The following DIAPH3 variants were observed in gnomAD, a reference collection of about 807,000 sequenced individuals.
DIAPH3 encodes the protein protein diaphanous homolog 3.
DIAPH3 carries 117 observed loss-of-function variants against 144.3 expected under a neutral mutation model. The observed-to-expected ratio is 0.81, with a 90% CI of 0.70 to 0.95. The LOEUF is 0.95. Ranked by LOEUF, DIAPH3 falls within the 40% of genes least tolerant of loss-of-function variation. The probability of loss-of-function intolerance (pLI) is 0.00; values close to 1 mark genes in which losing one functional copy is unlikely to be tolerated. For synonymous variants in DIAPH3, 519 were observed against 488.9 expected, an observed-to-expected ratio of 1.06 and a Z score of -0.81; for missense variants, 1,421 against 1,412.7, an observed-to-expected ratio of 1.01 and a Z score of -0.09.
In DIAPH3 at chr13:60,016,177, G is replaced by A. The variant is rs376512733; in HGVS notation, c.627-32C>T. The A allele has an allele frequency of 1.6e-5, 25 of 1,590,388 alleles. No homozygotes were observed. In the African/African-American group the frequency reaches 2.7e-4, roughly 17 times the overall value. ...AACAGAAAAAAGACAGTTACACATT[G>A]TCAGTAACGCAGCTTGTGTTATCAT... On this transcript the variant is annotated intron_variant, in intron 5 of 27. Coordinates refer to ENST00000400324, the MANE Select transcript of DIAPH3 (RefSeq NM_001042517.2).
intron 25 of DIAPH3, among the ~76,000 whole-genome samples, chr13:59,779,120 C>T (rs536367587): frequency 9.7e-4 from 147 of 152,294 alleles, no homozygotes; most frequent in Non-Finnish European, 1.7e-3. Flanking sequence ...CACTGTCCAC[C>T]TGGAACCTCT....
intron 3 of DIAPH3, among the ~76,000 whole-genome samples, chr13:60,103,159 T>TG (rs1462367164): frequency 6.0e-5 from 9 of 150,646 alleles, no homozygotes; most frequent in Non-Finnish European, 1.3e-4. Context: ...AAAACCGAGG[T>TG]GGGGGGGAAA....
At chr13:60,150,885 A>C (rs1324659854) in intron 1 of DIAPH3, among the ~76,000 whole-genome samples, 1 of 152,186 alleles carries the variant, frequency 6.6e-6, no homozygotes, top group Non-Finnish European at 1.5e-5. Flanking sequence ...CTCCATGGTT[A>C]CTTTTGTGGA....
chr13:59,883,724 C>T (rs971093236), intron 20 of DIAPH3, among the ~76,000 whole-genome samples: 18 of 152,106 alleles, frequency 1.2e-4, no homozygotes, highest in African/African-American at 4.1e-4. Context: ...CTCAGAGCAT[C>T]GCAATGTGGA....
chr13:60,126,526 G>A (rs554348242), intron 2 of DIAPH3, among the ~76,000 whole-genome samples: 8 of 152,222 alleles, frequency 5.3e-5, no homozygotes, highest in East Asian at 1.9e-4. Flanking sequence ...GGGAGACTTC[G>A]ATACTTCTCT....
At chr13:59,710,280 G>GA (rs1159252127) in intron 27 of DIAPH3, among the ~76,000 whole-genome samples, 93 of 138,282 alleles carry the variant, frequency 6.7e-4, no homozygotes, top group South Asian at 4.9e-3. Context: ...ATTTATTTTG[G>GA]AAAAAAAAAA....
chr13:60,156,250 C>T (rs1019900311), intron 1 of DIAPH3, among the ~76,000 whole-genome samples: 2 of 152,126 alleles, frequency 1.3e-5, no homozygotes, highest in Admixed American at 6.5e-5. Flanking sequence ...CATTTAGGGG[C>T]CACTGTGATA....
intron 5 of DIAPH3, among the ~76,000 whole-genome samples, chr13:60,037,186 A>T (rs1022943829): frequency 3.9e-5 from 6 of 152,074 alleles, no homozygotes; most frequent in Non-Finnish European, 7.4e-5. Flanking sequence ...TATCATTTTT[A>T]AAAAAGATAT....
At chr13:60,073,246 T>C (rs1340277308) in intron 4 of DIAPH3, among the ~76,000 whole-genome samples, 4 of 151,696 alleles carry the variant, frequency 2.6e-5, no homozygotes, top group African/African-American at 4.8e-5. Flanking sequence ...CAGGTGGAGG[T>C]TGCAGTGAGC....
At chr13:59,731,772 C>G (rs1418322924) in intron 27 of DIAPH3, among the ~76,000 whole-genome samples, 1 of 152,022 alleles carries the variant, frequency 6.6e-6, no homozygotes, top group Admixed American at 6.6e-5. Flanking sequence ...TAAGAAGAAC[C>G]AAAAAGTAAA....
chr13:60,102,357 C>T (rs185505621), intron 3 of DIAPH3, among the ~76,000 whole-genome samples: 243 of 152,256 alleles, frequency 1.6e-3, no homozygotes, highest in African/African-American at 5.6e-3. Context: ...TCTCCCTCAC[C>T]GATAACATTT....
chr13:60,005,488 C>CT (rs963628393), intron 9 of DIAPH3, among the ~76,000 whole-genome samples: 5 of 151,520 alleles, frequency 3.3e-5, no homozygotes, highest in Non-Finnish European at 5.9e-5. Context: ...CACTTTTTTT[C>CT]TTTTTTTTGA....
chr13:59,939,260 T>C (rs181169049), intron 17 of DIAPH3, among the ~76,000 whole-genome samples: 70 of 152,298 alleles, frequency 4.6e-4, no homozygotes, highest in South Asian at 1.0e-3. Context: ...ATGATATAGA[T>C]AATGCTGTTA....
At chr13:60,074,177 T>C (rs930890881) in intron 4 of DIAPH3, among the ~76,000 whole-genome samples, 1 of 152,158 alleles carries the variant, frequency 6.6e-6, no homozygotes, top group African/African-American at 2.4e-5. Flanking sequence ...TTCAACACTG[T>C]CCTGGCAATA....
chr13:59,890,209 T>C (rs2045702622), intron 20 of DIAPH3, among the ~76,000 whole-genome samples: 5 of 152,050 alleles, frequency 3.3e-5, no homozygotes, highest in Admixed American at 2.0e-4. Flanking sequence ...TCTGCACAAT[T>C]CCTTCCCCAT....
intron 27 of DIAPH3, among the ~76,000 whole-genome samples, chr13:59,704,853 T>C (rs1236946247): frequency 1.3e-5 from 2 of 152,196 alleles, no homozygotes; most frequent in Admixed American, 6.5e-5. Context: ...AAGTGCCGTC[T>C]GACTATATTT....
intron 4 of DIAPH3, among the ~76,000 whole-genome samples, chr13:60,046,445 A>G (rs1156314728): frequency 1.3e-5 from 2 of 152,214 alleles, no homozygotes; most frequent in African/African-American, 2.4e-5. Flanking sequence ...GCCAGTTACA[A>G]TGGCGATCAT....
intron 27 of DIAPH3, among the ~76,000 whole-genome samples, chr13:59,685,688 C>A (rs1053880080): frequency 6.6e-5 from 10 of 152,044 alleles, no homozygotes; most frequent in African/African-American, 2.4e-4. Context: ...AAAGGGGGGA[C>A]TCTCTTGTAA....
intron 25 of DIAPH3, among the ~76,000 whole-genome samples, chr13:59,795,960 G>A (rs150677291): frequency 2.6e-3 from 400 of 152,310 alleles, no homozygotes; most frequent in Non-Finnish European, 4.4e-3. Flanking sequence ...AATAAGAGGA[G>A]AAGTTGAAAT....
Sources: allele counts gnomAD v4.1 joint callset (sites outside exome capture counted in the v4.1 genomes callset), GRCh38; gene constraint gnomAD v4.1.1; transcripts MANE v1.5; gene names NCBI Gene and HGNC (gene_info 2026-07-23, HGNC 2026-07-21).